The following ASH2L variants were observed in gnomAD, a reference collection of about 807,000 sequenced individuals.
ASH2L encodes set1/Ash2 histone methyltransferase complex subunit ASH2.
Under a neutral mutation model 81.1 loss-of-function variants are expected in ASH2L, and 30 were observed. That is an observed-to-expected ratio of 0.37 (90% CI 0.28 to 0.50). The LOEUF is 0.50. Among genes scored for constraint, ASH2L ranks in the 20% least tolerant of loss-of-function variants. The pLI, the probability that ASH2L is intolerant of heterozygous loss-of-function variation, is 0.95. For synonymous variants in ASH2L, 273 were observed against 279.9 expected, an observed-to-expected ratio of 0.98 and a Z score of 0.24; for missense variants, 559 against 792.1, an observed-to-expected ratio of 0.71 and a Z score of 3.53.
chr8:38,110,624 G>T, intron 4 of ASH2L, 115 bp from the exon 5 acceptor site: 1 of 1,142,008 alleles, frequency 8.8e-7, no homozygotes, highest in Non-Finnish European at 1.3e-6. Flanking sequence ...CAGGTCACAT[G>T]ATGACTCCAT....
Position 38,117,461 on chromosome 8 carries a change from C to T in ASH2L, c.853+736C>T, listed in dbSNP as rs150799498. 7.5e-4 allele frequency: 741 copies of T among 985,380 alleles called. 1 individual carries two copies. Among genetic ancestry groups the T allele is most frequent in the Non-Finnish European group, 8.3e-4 (690 of 829,906 alleles). 61.0% of individuals were successfully genotyped at this position (985,380 alleles called of 1,614,324 possible). The stretch of plus-strand genomic sequence containing the variant: ...ACTTCTGTTCTTACAGGTGGAGCCA[C>T]TTTTGGAGGTGAATTCCTCCACTGT... On this transcript the variant is annotated intron_variant, in intron 8 of 15. Coordinates refer to ENST00000343823, the MANE Select transcript of ASH2L (RefSeq NM_004674.5).
At chr8:38,133,428 C>A (rs1335696892) in intron 12 of ASH2L, 26 bp from the exon 13 acceptor site, 1 of 1,541,860 alleles carries the variant, frequency 6.5e-7, no homozygotes, top group African/African-American at 1.4e-5. Flanking sequence ...CTTTATTGTG[C>A]CTTTTTTTCT....
intron 12 of ASH2L, among the ~76,000 whole-genome samples, chr8:38,132,744 A>G (rs1275837496): frequency 1.3e-5 from 2 of 151,452 alleles, no homozygotes; most frequent in African/African-American, 4.9e-5. Context: ...GATTGCAGTG[A>G]GCCAAGATCA....
rs1810728359 is a variant in ASH2L at position 38,112,453 on chromosome 8, A to G, written c.585+1620A>G. Among the ~76,000 whole-genome samples, 3 of 152,058 alleles carry G rather than the reference A, an allele frequency of 2.0e-5. No homozygotes were observed. The South Asian group carries it at 6.2e-4, about 32-fold the overall frequency. On this transcript the variant is annotated intron_variant, in intron 5 of 15. Coordinates refer to ENST00000343823, the MANE Select transcript of ASH2L (RefSeq NM_004674.5). ...TTTTTTTTTCCGCTTTAATAGGGAC[A>G]GGTCTCACTATGTTGCCCAAGCTGA...
In ASH2L at chr8:38,106,400, A is replaced by G. The variant is rs1810435082; in HGVS notation, c.211A>G (p.Ser71Gly). ...TAGGGAGGCAAACTTGGTCGATGTAAGCGGTGGCTTGGAGACAGAATCATC... is the reference window on the plus strand; with the variant it reads ...TAGGGAGGCAAACTTGGTCGATGTAGGCGGTGGCTTGGAGACAGAATCATC... ...EGGEANLVDV[S>G]GGLETESSNG... is the part of the protein sequence containing the mutation. Residue 71 changes from serine (S) to glycine (G), a missense_variant, in exon 2 of 16, where the codon AGC becomes GGC. Transcript: ENST00000343823. 6.2e-7 allele frequency: 1 copy of G among 1,614,194 alleles called. No homozygotes were observed. Among genetic ancestry groups the G allele is most frequent in the Non-Finnish European group, 8.5e-7 (1 of 1,180,030 alleles).
At chr8:38,106,001 A>C in intron 1 of ASH2L, 1 of 1,531,336 alleles carries the variant, frequency 6.5e-7, no homozygotes, top group Non-Finnish European at 8.7e-7. Context: ...GGTAGCTCAC[A>C]CTTTAACGGG....
chr8:38,110,654 T>C, intron 4 of ASH2L, 85 bp from the exon 5 acceptor site: 1 of 1,264,814 alleles, frequency 7.9e-7, no homozygotes, highest in Non-Finnish European at 1.1e-6. Context: ...ATAATTGTTA[T>C]TTTCTGGACC....
intron 9 of ASH2L, 122 bp downstream of exon 9, chr8:38,119,485 C>A: frequency 3.6e-6 from 3 of 823,358 alleles, no homozygotes; most frequent in Non-Finnish European, 3.6e-6. Flanking sequence ...TTTTTCTAAA[C>A]CTTGAGCACT....
rs768831081 is a variant in ASH2L, at chr8:38,133,543, T to C, written c.1617T>C (p.Ser539=). ...AGAGCCTGAAGCAGACTCCCCATAG[T>C]GAGGTGAGTCATGGCCATAAGAACA... ...AEKSLKQTPH[S]EIIFYKNGVN... is the part of the protein sequence containing the mutation. Residue 539 remains serine, a synonymous_variant, in exon 13 of 16, where the codon AGT becomes AGC. Coordinates refer to ENST00000343823, the MANE Select transcript of ASH2L (RefSeq NM_004674.5). 3.1e-5 allele frequency: 50 copies of C among 1,606,476 alleles called. No homozygotes were observed. In the Admixed American group the frequency reaches 4.1e-4, roughly 13 times the overall value.
rs146962503 is a variant in ASH2L at position 38,107,954 on chromosome 8, C to T, written c.401+788C>T. ...TATATGTTTTCTTGTTTTTTTCTTG[C>T]GACTGGGTCTCGCTCTGCTGCCCAG... On this transcript the variant is annotated intron_variant, in intron 3 of 15. Coordinates refer to ENST00000343823, the MANE Select transcript of ASH2L (RefSeq NM_004674.5). Among the ~76,000 whole-genome samples the T allele has an allele frequency of 9.5e-5, 14 of 146,762 alleles. No homozygotes were observed. In the East Asian group the frequency reaches 2.6e-3, roughly 27 times the overall value.
chr8:38,119,486 C>A, intron 9 of ASH2L, 123 bp downstream of exon 9: 1 of 814,946 alleles, frequency 1.2e-6, no homozygotes, highest in Non-Finnish European at 1.8e-6. Context: ...TTTTCTAAAC[C>A]TTGAGCACTT....
chr8:38,119,125 G>T, intron 8 of ASH2L, 145 bp from the exon 9 acceptor site: 1 of 698,980 alleles, frequency 1.4e-6, no homozygotes, highest in Non-Finnish European at 2.4e-6. Context: ...TGAAAACTAG[G>T]GTGAAATCCA....
chr8:38,117,971 A>G (rs1201882476), intron 8 of ASH2L, among the ~76,000 whole-genome samples: 5 of 152,174 alleles, frequency 3.3e-5, no homozygotes, highest in Non-Finnish European at 7.4e-5. Context: ...AGGCAGGAGA[A>G]TCGTTTGAAC....
intron 9 of ASH2L, 46 bp from the exon 10 acceptor site, chr8:38,120,886 C>T: frequency 6.5e-7 from 1 of 1,530,922 alleles, no homozygotes; most frequent in Non-Finnish European, 9.0e-7. Flanking sequence ...TGCATTTGAG[C>T]TAAAGGGGGT....
intron 10 of ASH2L, among the ~76,000 whole-genome samples, chr8:38,125,361 C>T (rs904967063): frequency 2.6e-5 from 4 of 152,168 alleles, no homozygotes; most frequent in African/African-American, 9.7e-5. Context: ...TGGCTCACGC[C>T]TGTAATCCCA....
intron 10 of ASH2L, among the ~76,000 whole-genome samples, chr8:38,127,520 G>T (rs1267486004): frequency 1.3e-5 from 2 of 151,974 alleles, no homozygotes; most frequent in Non-Finnish European, 2.9e-5. Context: ...GTCAGTGCAG[G>T]TGGATCACCT....
At chr8:38,117,441 T>C in intron 8 of ASH2L, 2 of 985,382 alleles carry the variant, frequency 2.0e-6, no homozygotes, top group South Asian at 9.4e-5. Context: ...GTGCCACTTC[T>C]GTTCTTACAG....
chr8:38,129,556 G>A (rs1209610550), intron 12 of ASH2L, among the ~76,000 whole-genome samples: 1 of 152,188 alleles, frequency 6.6e-6, no homozygotes, highest in Non-Finnish European at 1.5e-5. Context: ...GTTACTGTGA[G>A]CTGTGATCAC....
chr8:38,133,489 G>A lies in ASH2L; in HGVS notation c.1563G>A (p.Glu521=). 1 of 1,610,256 alleles carries A rather than the reference G, an allele frequency of 6.2e-7. No individual in the cohort carries two copies. The highest frequency in any genetic ancestry group is 8.5e-7 in the Non-Finnish European group (1 of 1,179,722). Residue 521 remains glutamate, a synonymous_variant, in exon 13 of 16, where the codon GAG becomes GAA. Coordinates refer to ENST00000343823, the MANE Select transcript of ASH2L (RefSeq NM_004674.5). ...AATTCAAGAGTTATTTGTATTTTGA[G>A]GAAAAAGACTTTGTGGATAAAGCAG... ...LIKFKSYLYF[E]EKDFVDKAEK...
Sources: allele counts gnomAD v4.1 joint callset (sites outside exome capture counted in the v4.1 genomes callset), GRCh38; gene constraint gnomAD v4.1.1; transcripts MANE v1.5; gene names NCBI Gene and HGNC (gene_info 2026-07-23, HGNC 2026-07-21).